The following PLEK variants were observed in gnomAD, a reference collection of about 807,000 sequenced individuals.
The protein encoded by PLEK is platelet 47 kDa protein.
A neutral mutation model predicts 43.9 loss-of-function variants in PLEK; 25 were observed. That is an observed-to-expected ratio of 0.57 (90% confidence interval 0.41 to 0.79). The LOEUF (loss-of-function observed/expected upper bound fraction) is 0.79, where lower values mean the gene tolerates loss of function less well. PLEK is among the 30% of genes least tolerant of loss of function. The pLI is 0.00. For synonymous variants in PLEK, 152 were observed against 144.4 expected (o/e 1.05, Z -0.38); for missense variants, 396 against 413.3 (o/e 0.96, Z 0.36).
At chr2:68,374,872 T>C (rs934797358) in intron 1 of PLEK, among the ~76,000 whole-genome samples, 3 of 152,216 alleles carry the variant, frequency 2.0e-5, no homozygotes, top group East Asian at 1.9e-4. Flanking sequence ...TTCCATAGTA[T>C]ACATTTACTG....
chr2:68,368,716 G>C (rs1254934928), intron 1 of PLEK, among the ~76,000 whole-genome samples: 1 of 152,218 alleles, frequency 6.6e-6, no homozygotes, highest in Non-Finnish European at 1.5e-5. Context: ...AAAAATGAGA[G>C]AAGAGCAAAT....
At chr2:68,377,037 G>A (rs143284845) in intron 1 of PLEK, among the ~76,000 whole-genome samples, 3 of 152,198 alleles carry the variant, frequency 2.0e-5, no homozygotes, top group African/African-American at 4.8e-5. Flanking sequence ...GTCTTTCTGT[G>A]CCTGGCTCAT....
intron 1 of PLEK, among the ~76,000 whole-genome samples, chr2:68,367,013 C>T (rs1390098730): frequency 6.6e-6 from 1 of 152,114 alleles, no homozygotes; most frequent in East Asian, 1.9e-4. Flanking sequence ...ATGATAGAGT[C>T]AGGGTTGTCA....
At chr2:68,394,514 GACAGAGCAAT>G (rs2103788088) in intron 8 of PLEK, among the ~76,000 whole-genome samples, 1 of 151,450 alleles carries the variant, frequency 6.6e-6, no homozygotes, top group South Asian at 2.1e-4. Flanking sequence ...CAGCCTGGGT[GACAGAGCAAT>G]ACTCTGTCTC....
At chr2:68,395,000 T>G (rs1673937025) in intron 8 of PLEK, among the ~76,000 whole-genome samples, 1 of 136,882 alleles carries the variant, frequency 7.3e-6, no homozygotes, top group Non-Finnish European at 1.6e-5. Context: ...ACTTTGGTTT[T>G]AGGGCAGGGA....
rs1673789930 is a variant in PLEK at position 68,388,375 on chromosome 2, A to AT, written c.658-8dup. 1.9e-6 allele frequency: 3 copies of AT among 1,546,094 alleles called. No homozygotes were observed. Among genetic ancestry groups the AT allele is most frequent in the Non-Finnish European group, 2.7e-6 (3 of 1,118,318 alleles). Reference sequence around the variant, plus strand: ...ACTGGTGATGTTAGCTTGCTGTTTGATTTTCCAACAGCCAGACAGTGGGTT... The same window carrying AT: ...ACTGGTGATGTTAGCTTGCTGTTTGATTTTTCCAACAGCCAGACAGTGGGTT... On this transcript the variant is annotated splice_polypyrimidine_tract_variant and intron_variant, in intron 5 of 8. Transcript: ENST00000234313.
rs1318687212 is a variant in PLEK at position 68,386,610 on chromosome 2, G to A, written c.581G>A (p.Gly194Glu). 3 of 1,613,728 alleles carry A rather than the reference G, an allele frequency of 1.9e-6. No individual in the cohort carries two copies. Among genetic ancestry groups the A allele is most frequent in the East Asian group, 4.5e-5 (2 of 44,898 alleles). The stretch of plus-strand genomic sequence containing the variant: ...AATGAGGGGTATCTGCAGCCTGCTG[G>A]AGACATGTCCAAGAGTGCAGTGGAT... ...LLNEGYLQPA[G>E]DMSKSAVDGT... The change falls in exon 5 of 9, where the codon GGA becomes GAA. Residue 194 changes from glycine to glutamate, a missense_variant. Transcript: ENST00000234313.
In PLEK at chr2:68,386,462, G is replaced by A. The variant is rs369838590; in HGVS notation, c.473-40G>A. The A allele has an allele frequency of 1.7e-5, 26 of 1,546,266 alleles. No homozygotes were observed. The Middle Eastern group carries it at 8.3e-4, about 49-fold the overall frequency. Reference sequence around the variant, plus strand: ...GGTGATTGTCAGGGGCTTGTTCTTCGGTAAGGAGAGTTAACCTTCCCTGTG... The same window carrying A: ...GGTGATTGTCAGGGGCTTGTTCTTCAGTAAGGAGAGTTAACCTTCCCTGTG... On this transcript the variant is annotated intron_variant, in intron 4 of 8. Transcript: ENST00000234313.
Position 68,380,161 on chromosome 2 carries a change from C to T in PLEK, c.43-167C>T, listed in dbSNP as rs72894177. Among the ~76,000 whole-genome samples, 6 of 151,906 alleles carry T rather than the reference C, an allele frequency of 3.9e-5. No individual in the cohort carries two copies. The South Asian group carries it at 1.2e-3, about 32-fold the overall frequency. On this transcript the variant is annotated intron_variant, in intron 1 of 8. Transcript: ENST00000234313. Reference sequence around the variant, plus strand: ...GCCGGGAGTAGAAATGAGAATGGCTCCCCAAGTAGCCACTGATTTGAGAGG... The same window carrying T: ...GCCGGGAGTAGAAATGAGAATGGCTTCCCAAGTAGCCACTGATTTGAGAGG...
chr2:68,380,791 A>C lies in PLEK; in HGVS notation c.267A>C (p.Arg89Ser). ...TCCAGGCAGCCTTCCTGGAGGAGAG[A>C]GATGCCTGGGTTCGGGATATCAAGA... ...HFFQAAFLEE[R>S]DAWVRDIKKA... is the part of the protein sequence containing the mutation. Residue 89 changes from arginine (R) to serine (S), a missense_variant, in exon 3 of 9, where the codon AGA becomes AGC. By Grantham distance (110) the Arg-to-Ser change is moderately radical. Transcript: ENST00000234313. 1 of 1,613,916 alleles carries C rather than the reference A, an allele frequency of 6.2e-7. No homozygotes were observed. Among genetic ancestry groups the C allele is most frequent in the Non-Finnish European group, 8.5e-7 (1 of 1,179,818 alleles).
At chr2:68,383,979 G>C (rs927419266) in intron 4 of PLEK, among the ~76,000 whole-genome samples, 3 of 152,092 alleles carry the variant, frequency 2.0e-5, no homozygotes, top group Non-Finnish European at 4.4e-5. Flanking sequence ...ATGAGAAAGT[G>C]ACAAGAACAA....
chr2:68,382,975 G>A (rs562134980), intron 4 of PLEK, among the ~76,000 whole-genome samples: 45 of 152,262 alleles, frequency 3.0e-4, no homozygotes, highest in African/African-American at 1.1e-3. Flanking sequence ...AATAAACAGG[G>A]ATTAAGGCAT....
intron 1 of PLEK, among the ~76,000 whole-genome samples, chr2:68,367,430 C>A (rs758308473): frequency 2.0e-5 from 3 of 152,166 alleles, no homozygotes; most frequent in Non-Finnish European, 4.4e-5. Context: ...TCCAACCCTC[C>A]ACTCTCACAT....
chr2:68,389,045 G>A lies in PLEK; in HGVS notation c.762+554G>A, dbSNP rs116508102. Among the ~76,000 whole-genome samples the A allele has an allele frequency of 3.1e-3, 468 of 152,330 alleles. 3 individuals carry two copies. Among genetic ancestry groups the A allele is most frequent in the African/African-American group, 0.011 (446 of 41,580 alleles). On this transcript the variant is annotated intron_variant, in intron 6 of 8. Transcript: ENST00000234313. ...AGATTGAGGGCATGGACAGAGTCCT[G>A]GGGGGATGTCCAGGTGTCCACAGGT...
intron 1 of PLEK, among the ~76,000 whole-genome samples, chr2:68,378,880 A>G (rs972280667): frequency 3.9e-5 from 6 of 152,320 alleles, no homozygotes; most frequent in Non-Finnish European, 7.4e-5. Flanking sequence ...CTGTAATCCC[A>G]GCACTCTGGG....
intron 1 of PLEK, among the ~76,000 whole-genome samples, chr2:68,375,928 AT>A (rs1180511769): frequency 6.6e-6 from 1 of 152,158 alleles, no homozygotes; most frequent in East Asian, 1.9e-4. Context: ...TTAAGTAAGG[AT>A]TTTTTTAAGG....
intron 6 of PLEK, among the ~76,000 whole-genome samples, chr2:68,389,068 G>A (rs1022508000): frequency 6.6e-6 from 1 of 152,364 alleles, no homozygotes; most frequent in Admixed American, 6.5e-5. Context: ...GGTGTCCACA[G>A]GTACAGGCCA....
At chr2:68,374,395 AG>A (rs1673464525) in intron 1 of PLEK, among the ~76,000 whole-genome samples, 1 of 152,216 alleles carries the variant, frequency 6.6e-6, no homozygotes, top group African/African-American at 2.4e-5. Context: ...CTGTTTTTCC[AG>A]TGATTAAGTG....
At chr2:68,381,979 C>G (rs1045101403) in intron 3 of PLEK, among the ~76,000 whole-genome samples, 1 of 152,132 alleles carries the variant, frequency 6.6e-6, no homozygotes, top group Non-Finnish European at 1.5e-5. Flanking sequence ...GAGCTTCTCT[C>G]GTAAGGCTAT....
Sources: gnomAD v4.1 joint callset for allele counts (sites outside exome capture counted in the v4.1 genomes callset) on GRCh38, gnomAD v4.1.1 for gene constraint, MANE v1.5 for transcripts, NCBI Gene and HGNC (gene_info 2026-07-23, HGNC 2026-07-21) for gene names.